NPSR1: variants seen among roughly 807,000 people sequenced by gnomAD.
NPSR1 encodes the protein neuropeptide S receptor.
Under a neutral mutation model 46.9 loss-of-function variants are expected in NPSR1, and 48 were observed. That is an observed-to-expected ratio of 1.02 (90% CI 0.81 to 1.30). NPSR1 has a LOEUF of 1.30. Among genes scored for constraint, NPSR1 ranks in the 50% most tolerant of loss-of-function variants. The pLI is 0.00. For synonymous variants in NPSR1, 176 were observed against 168.1 expected (o/e 1.05, Z -0.36); for missense variants, 450 against 449.5 (o/e 1.00, Z -0.01).
At chr7:34,781,247 T>C (rs866981670) in intron 3 of NPSR1, among the ~76,000 whole-genome samples, 7 of 152,264 alleles carry the variant, frequency 4.6e-5, no homozygotes, top group Admixed American at 2.0e-4. Context: ...GGGGAATTAA[T>C]AGTTTCTAGA....
chr7:34,786,192 T>C (rs1482074588), intron 3 of NPSR1, among the ~76,000 whole-genome samples: 3 of 152,180 alleles, frequency 2.0e-5, no homozygotes, highest in Non-Finnish European at 4.4e-5. Context: ...AATATGTTTA[T>C]GTACTAGTTT....
intron 3 of NPSR1, among the ~76,000 whole-genome samples, chr7:34,780,446 C>T (rs936841836): frequency 1.6e-4 from 24 of 151,964 alleles, no homozygotes; most frequent in African/African-American, 4.1e-4. Flanking sequence ...ATAGGGAAAA[C>T]GATAGAGAAA....
chr7:34,798,689 A>T (rs1035856003), intron 3 of NPSR1, among the ~76,000 whole-genome samples: 1 of 152,202 alleles, frequency 6.6e-6, no homozygotes, highest in African/African-American at 2.4e-5. Flanking sequence ...TATCAAACTT[A>T]TATGCGATTT....
chr7:34,670,097 AT>A (rs1791971717), intron 1 of NPSR1, among the ~76,000 whole-genome samples: 1 of 152,336 alleles, frequency 6.6e-6, no homozygotes, highest in East Asian at 1.9e-4. Flanking sequence ...CTTCAATGTG[AT>A]TGTTTTAAAT....
intron 8 of NPSR1, among the ~76,000 whole-genome samples, chr7:34,863,090 C>A (rs1003477036): frequency 2.6e-5 from 4 of 151,772 alleles, no homozygotes; most frequent in African/African-American, 7.3e-5. Flanking sequence ...CATCTGCAAC[C>A]ATCTGATCTT....
intron 2 of NPSR1, among the ~76,000 whole-genome samples, chr7:34,692,405 A>G (rs1007225213): frequency 6.6e-6 from 1 of 152,212 alleles, no homozygotes; most frequent in South Asian, 2.1e-4. Flanking sequence ...GGCACCTTCA[A>G]AAATACACAA....
At chr7:34,764,495 C>G (rs1786335761) in intron 2 of NPSR1, among the ~76,000 whole-genome samples, 1 of 152,182 alleles carries the variant, frequency 6.6e-6, no homozygotes, top group African/African-American at 2.4e-5. Context: ...TGCTTCCACT[C>G]TACAATGGCA....
intron 1 of NPSR1, among the ~76,000 whole-genome samples, chr7:34,683,941 C>T (rs1038396244): frequency 6.6e-6 from 1 of 152,178 alleles, no homozygotes. Flanking sequence ...TTATAAAATT[C>T]TGTCAAATGA....
intron 2 of NPSR1, among the ~76,000 whole-genome samples, chr7:34,712,640 G>C (rs1365156198): frequency 6.6e-6 from 1 of 152,220 alleles, no homozygotes; most frequent in Non-Finnish European, 1.5e-5. Flanking sequence ...GAATAAATTA[G>C]AGCACTGGAT....
At chr7:34,809,653 C>T (rs1021941242) in intron 3 of NPSR1, among the ~76,000 whole-genome samples, 3 of 152,026 alleles carry the variant, frequency 2.0e-5, no homozygotes, top group East Asian at 1.9e-4. Context: ...TTAGTAGAGA[C>T]GGGGTTTCAC....
rs70978573 is a variant in NPSR1 at position 34,766,577 on chromosome 7, A to AT, written c.281-11872dup. On this transcript the variant is annotated intron_variant, in intron 2 of 8. Transcript: ENST00000360581. ...AATTTCAAAGGCATTATGATGAATT[A>AT]TTTTTTTTTTTTTGAGATGGAGTCT... Among the ~76,000 whole-genome samples, 448 of 147,258 alleles carry AT rather than the reference A, an allele frequency of 3.0e-3. 4 individuals are homozygous for AT. Among genetic ancestry groups the AT allele is most frequent in the Admixed American group, 0.012 (179 of 14,750 alleles).
chr7:34,826,486 G>A (rs1408777192), intron 4 of NPSR1, among the ~76,000 whole-genome samples: 1 of 152,076 alleles, frequency 6.6e-6, no homozygotes, highest in African/African-American at 2.4e-5. Context: ...TGAAAGTAGG[G>A]GAGCAAGGTG....
chr7:34,844,281 C>G (rs572048314), intron 6 of NPSR1, among the ~76,000 whole-genome samples: 1 of 151,946 alleles, frequency 6.6e-6, no homozygotes, highest in Non-Finnish European at 1.5e-5. Flanking sequence ...TACAGGAGTG[C>G]GAAAAACAAA....
intron 1 of NPSR1, among the ~76,000 whole-genome samples, chr7:34,663,041 T>TTCTCTCTCTCTCTCTCTC (rs376420280): frequency 0.041 from 4,426 of 108,122 alleles, 212 homozygotes; most frequent in South Asian, 0.11. Flanking sequence ...TGTAGTGCAT[T>TTCTCTCTCTCTCTCTCTC]TCTCTCTCTC....
chr7:34,835,515 C>T (rs1790323988), intron 6 of NPSR1, among the ~76,000 whole-genome samples: 1 of 152,200 alleles, frequency 6.6e-6, no homozygotes, highest in Non-Finnish European at 1.5e-5. Flanking sequence ...TCTTTTCAGA[C>T]TGTGAGCTAA....
chr7:34,705,451 A>AAG (rs1333165173), intron 2 of NPSR1, among the ~76,000 whole-genome samples: 7 of 146,220 alleles, frequency 4.8e-5, no homozygotes, highest in South Asian at 4.3e-4. Flanking sequence ...AAAAAAAAAA[A>AAG]AGAGAGAAAA....
rs997577261 is a variant in NPSR1 at position 34,712,706 on chromosome 7, A to G, written c.280+28022A>G. 2.0e-5 allele frequency among the ~76,000 whole-genome samples: 3 copies of G among 152,244 alleles called. No homozygotes were observed. The South Asian group carries it at 6.2e-4, about 31-fold the overall frequency. On this transcript the variant is annotated intron_variant, in intron 2 of 8. Transcript: ENST00000360581. ...CCGAAACAGAGATGTATTTAAGCTTATAAGTCTAAATAAAAGTTGGGGGTT... is the reference window on the plus strand; with the variant it reads ...CCGAAACAGAGATGTATTTAAGCTTGTAAGTCTAAATAAAAGTTGGGGGTT...
chr7:34,679,114 C>A (rs10240711), intron 1 of NPSR1, among the ~76,000 whole-genome samples: 3 of 145,386 alleles, frequency 2.1e-5, no homozygotes, highest in African/African-American at 8.2e-5. Flanking sequence ...AGTTAACATG[C>A]GATAAAAGAG....
At chr7:34,818,777 C>A (rs2128752883) in intron 4 of NPSR1, among the ~76,000 whole-genome samples, 1 of 152,258 alleles carries the variant, frequency 6.6e-6, no homozygotes, top group African/African-American at 2.4e-5. Context: ...CTTCTACAAC[C>A]ATCTGATCTT....
Sources: allele counts gnomAD v4.1 joint callset (sites outside exome capture counted in the v4.1 genomes callset), GRCh38; gene constraint gnomAD v4.1.1; transcripts MANE v1.5; gene names NCBI Gene and HGNC (gene_info 2026-07-23, HGNC 2026-07-21).